EHBP1: variants seen among roughly 807,000 people sequenced by gnomAD.
EHBP1 encodes the protein EH domain-binding protein 1.
In EHBP1, 55 loss-of-function variants were observed where a neutral mutation model predicts 144.0. The observed-to-expected ratio is 0.38, with a 90% CI of 0.31 to 0.48. The LOEUF (loss-of-function observed/expected upper bound fraction) is 0.48. Among genes scored for constraint, EHBP1 ranks in the 20% least tolerant of loss-of-function variants. The pLI is 0.98. For synonymous variants in EHBP1, 469 were observed against 472.7 expected (o/e 0.99, Z 0.10); for missense variants, 1,200 against 1,364.2 (o/e 0.88, Z 1.90).
chr2:62,692,193 T>C (rs1281902320), intron 1 of EHBP1, among the ~76,000 whole-genome samples: 1 of 152,240 alleles, frequency 6.6e-6, no homozygotes, highest in Non-Finnish European at 1.5e-5. Flanking sequence ...ATCCATGTTA[T>C]AGCGTGAATC....
At chr2:62,753,058 T>A (rs2039906988) in intron 3 of EHBP1, among the ~76,000 whole-genome samples, 1 of 152,188 alleles carries the variant, frequency 6.6e-6, no homozygotes, top group Admixed American at 6.5e-5. Flanking sequence ...TGTTAGCTGG[T>A]TATTTTGCTC....
At position 63,033,292 on chromosome 2, in the gene EHBP1, G is replaced by T. The variant is rs151143861; in HGVS notation, c.3104-4243G>T. 5.2e-3 allele frequency among the ~76,000 whole-genome samples: 790 copies of T among 152,106 alleles called. 10 individuals carry two copies. Among genetic ancestry groups the T allele is most frequent in the African/African-American group, 0.018 (727 of 41,498 alleles). On this transcript the variant is annotated intron_variant, in intron 19 of 22. Coordinates refer to ENST00000431489, the MANE Select transcript of EHBP1 (RefSeq NM_001142616.3). ...CCATCAGGACAATTTGTAATGGCAG[G>T]TTTTTTTGTTTTTGTGTTTGGTTTA...
intron 10 of EHBP1, among the ~76,000 whole-genome samples, chr2:62,896,170 T>A (rs1171131538): frequency 1.3e-5 from 2 of 152,150 alleles, no homozygotes; most frequent in African/African-American, 4.8e-5. Context: ...ACAATGATAT[T>A]AGATCTGTTA....
chr2:62,752,488 A>G (rs1312541905), intron 3 of EHBP1, among the ~76,000 whole-genome samples: 5 of 152,172 alleles, frequency 3.3e-5, no homozygotes, highest in African/African-American at 7.2e-5. Context: ...ATAGATGTCT[A>G]TTAGGTCTGC....
chr2:62,684,789 G>C (rs776736029), intron 1 of EHBP1, among the ~76,000 whole-genome samples: 3 of 152,178 alleles, frequency 2.0e-5, no homozygotes, highest in Non-Finnish European at 4.4e-5. Context: ...AGGGAAGGAG[G>C]GAGACAGGGA....
intron 2 of EHBP1, among the ~76,000 whole-genome samples, chr2:62,741,165 A>G (rs1405080871): frequency 1.3e-5 from 2 of 152,050 alleles, no homozygotes; most frequent in African/African-American, 2.4e-5. Context: ...TAGTGTGGGG[A>G]AATATACTAG....
At chr2:62,983,870 G>A (rs1272512430) in intron 15 of EHBP1, among the ~76,000 whole-genome samples, 2 of 152,160 alleles carry the variant, frequency 1.3e-5, no homozygotes, top group Non-Finnish European at 2.9e-5. Flanking sequence ...AGACAAAGTA[G>A]TATATTTTGT....
At chr2:62,966,717 A>G (rs941856555) in intron 14 of EHBP1, among the ~76,000 whole-genome samples, 3 of 152,210 alleles carry the variant, frequency 2.0e-5, no homozygotes, top group Non-Finnish European at 4.4e-5. Context: ...AATAGGAACT[A>G]TCATTTCCCA....
chr2:63,004,838 C>T (rs571789951), intron 19 of EHBP1, among the ~76,000 whole-genome samples: 2 of 152,176 alleles, frequency 1.3e-5, no homozygotes, highest in East Asian at 3.9e-4. Context: ...CTTCAATATG[C>T]ATCAGAATTA....
Position 62,948,980 on chromosome 2 carries a change from T to C in EHBP1, c.2134T>C (p.Ser712Pro). The change falls in exon 13 of 23, where the codon TCA (serine) becomes CCA (proline). Residue 712 changes from serine (S) to proline (P), a missense_variant. Physicochemically the swap from Ser to Pro is moderately conservative, Grantham distance 74. This residue lies in a region of EHBP1 where 543 missense variants were observed against 513.1 expected (regional missense o/e 1.06). Coordinates refer to ENST00000431489, the MANE Select transcript of EHBP1 (RefSeq NM_001142616.3). The part of the protein sequence containing the change: ...LENSRSLECR[S>P]DPESPIKKTS... ...GAATTCCAGATCCTTAGAATGCAGA[T>C]CAGATCCAGAATCTCCTATCAAAAA... is the stretch of plus-strand genomic sequence containing the variant. 1 of 1,613,976 alleles carries C rather than the reference T, an allele frequency of 6.2e-7. No homozygotes were observed. The highest frequency in any genetic ancestry group is 8.5e-7 in the Non-Finnish European group (1 of 1,179,966).
At chr2:62,871,941 T>C (rs1288246207) in intron 9 of EHBP1, 1 of 152,188 alleles carries the variant, frequency 6.6e-6, no homozygotes, top group Non-Finnish European at 1.5e-5. Context: ...TTCAGAACTT[T>C]TATGAAGTGA....
intron 14 of EHBP1, among the ~76,000 whole-genome samples, chr2:62,971,995 A>G (rs1015423313): frequency 6.6e-6 from 1 of 152,208 alleles, no homozygotes; most frequent in African/African-American, 2.4e-5. Flanking sequence ...ATTTAAGTCT[A>G]TCTAGACTAC....
chr2:62,759,262 C>G (rs941005361), intron 3 of EHBP1, among the ~76,000 whole-genome samples: 1 of 152,208 alleles, frequency 6.6e-6, no homozygotes, highest in African/African-American at 2.4e-5. Flanking sequence ...ATTAAATAAT[C>G]TGCCTTTCCT....
Position 62,764,370 on chromosome 2 carries a change from C to G in EHBP1, c.258+9C>G. 1 of 1,556,630 alleles carries G rather than the reference C, an allele frequency of 6.4e-7. No individual in the cohort carries two copies. The highest frequency in any genetic ancestry group is 8.7e-7 in the Non-Finnish European group (1 of 1,153,908). On this transcript the variant is annotated intron_variant, in intron 4 of 22. Coordinates refer to ENST00000431489, the MANE Select transcript of EHBP1 (RefSeq NM_001142616.3). ...CTGTAACACTTTTTAAGGTAAGTTC[C>G]ATTTTTATAGGCTATAGAATTTATT... is the stretch of plus-strand genomic sequence containing the variant.
intron 1 of EHBP1, chr2:62,674,092 T>C (rs989543189): frequency 6.4e-6 from 3 of 471,048 alleles, no homozygotes; most frequent in African/African-American, 2.0e-5. Context: ...AGGTATGAAC[T>C]GGTAGGCCAC....
At chr2:62,974,630 T>C (rs139914258) in intron 14 of EHBP1, among the ~76,000 whole-genome samples, 1 of 152,330 alleles carries the variant, frequency 6.6e-6, no homozygotes, top group East Asian at 1.9e-4. Context: ...CCTGTGCTTA[T>C]GATAAACAGG....
intron 2 of EHBP1, among the ~76,000 whole-genome samples, chr2:62,727,765 CTT>C (rs1022185476): frequency 2.0e-5 from 3 of 152,110 alleles, no homozygotes; most frequent in African/African-American, 7.2e-5. Context: ...ACATTTGTGT[CTT>C]GGGTATGTTA....
intron 19 of EHBP1, among the ~76,000 whole-genome samples, chr2:63,002,710 A>G (rs547703518): frequency 1.8e-4 from 27 of 152,240 alleles, no homozygotes; most frequent in South Asian, 6.2e-4. Context: ...ATCAAAGTAC[A>G]GAGTAGTCTA....
intron 10 of EHBP1, among the ~76,000 whole-genome samples, chr2:62,899,827 A>G (rs1224292372): frequency 6.6e-6 from 1 of 152,174 alleles, no homozygotes. Context: ...CATCATAGCA[A>G]TTTCTTACAT....
Sources: gnomAD v4.1 joint callset for allele counts (sites outside exome capture counted in the v4.1 genomes callset) on GRCh38, gnomAD v4.1.1 for gene constraint, gnomAD v4.1.1 regional missense constraint, MANE v1.5 for transcripts, NCBI Gene and HGNC (gene_info 2026-07-23, HGNC 2026-07-21) for gene names.